The following KHNYN variants were observed in gnomAD, a reference collection of about 807,000 sequenced individuals.
The protein encoded by KHNYN is KH and NYN domain containing, also known as protein KHNYN.
KHNYN carries 42 observed loss-of-function variants against 62.7 expected under a neutral mutation model. The observed-to-expected ratio is 0.67, with a 90% CI of 0.52 to 0.87. KHNYN has a LOEUF of 0.87. KHNYN is among the 40% of genes least tolerant of loss of function. The probability of loss-of-function intolerance (pLI) is 0.00; values close to 1 mark genes in which losing one functional copy is unlikely to be tolerated. For missense variants in KHNYN, 829 were observed against 874.1 expected, an observed-to-expected ratio of 0.95 and a Z score of 0.65; for synonymous variants, 347 against 345.6, an observed-to-expected ratio of 1.00 and a Z score of -0.04.
At chr14:24,434,412 T>G (rs1366624550) in intron 5 of KHNYN, 3 of 981,926 alleles carry the variant, frequency 3.1e-6, no homozygotes, top group Admixed American at 1.2e-4. Context: ...AATTTTTTTT[T>G]GGTTTGTTTT....
At position 24,432,270 on chromosome 14, in the gene KHNYN, C is replaced by G. The variant is rs368507748; in HGVS notation, c.1009C>G (p.Gln337Glu). The change falls in exon 3 of 8, where the codon CAG becomes GAG. Residue 337 changes from glutamine (Q) to glutamate (E), a missense_variant. This residue lies in a region of KHNYN where 559 missense variants were observed against 527.0 expected (regional missense o/e 1.06). Coordinates refer to ENST00000553935, the MANE Select transcript of KHNYN (RefSeq NM_015299.3). The surrounding 1 kb of genome is among the most constrained non-coding windows in gnomAD (Gnocchi z 5.6). The stretch of plus-strand genomic sequence containing the variant: ...CCATGGCTCCTGTCACAGGGCAGCT[C>G]AGTCCCGAGGAGCCTCCCTCCTCCA... ...GAHGSCHRAA[Q>E]SRGASLLQRL... 94 of 1,613,320 alleles carry G rather than the reference C, an allele frequency of 5.8e-5. No individual in the cohort carries two copies. Among genetic ancestry groups the G allele is most frequent in the African/African-American group, 2.7e-4 (20 of 74,912 alleles).
intron 6 of KHNYN, 39 bp from the exon 7 acceptor site, chr14:24,436,349 G>A (rs760023001): frequency 5.1e-6 from 8 of 1,574,482 alleles, no homozygotes; most frequent in Middle Eastern, 1.7e-4. Flanking sequence ...GGTGGGCAAG[G>A]GCCCCCTCTG....
chr14:24,426,442 T>G (rs1181054966), upstream of KHNYN: 1 of 152,228 alleles, frequency 6.6e-6, no homozygotes, highest in Non-Finnish European at 1.5e-5. Flanking sequence ...TGATGTTGTT[T>G]TTAGGATTAG....
In KHNYN at chr14:24,432,999, T is replaced by G. The variant is rs760304162; in HGVS notation, c.1544T>G (p.Met515Arg). 1 of 1,614,200 alleles carries G rather than the reference T, an allele frequency of 6.2e-7. No homozygotes were observed. Among genetic ancestry groups the G allele is most frequent in the Non-Finnish European group, 8.5e-7 (1 of 1,180,016 alleles). Residue 515 changes from methionine to arginine, a missense_variant, in exon 5 of 8, where the codon ATG becomes AGG. By Grantham distance (91) the Met-to-Arg change is moderately conservative (BLOSUM62 -1). Coordinates refer to ENST00000553935, the MANE Select transcript of KHNYN (RefSeq NM_015299.3). This position sits in a 1 kb window ranked among gnomAD's most constrained non-coding sequence, Gnocchi z 5.6. ...SLLSLTPSRVMDGKRISSYDD... is the reference protein window; with the variant it reads ...SLLSLTPSRVRDGKRISSYDD... ...CTCTCCCTCACACCCTCACGAGTCATGGATGGCAAGAGGATCTCCTCCTAT... is the reference window on the plus strand; with the variant it reads ...CTCTCCCTCACACCCTCACGAGTCAGGGATGGCAAGAGGATCTCCTCCTAT...
Position 24,441,783 on chromosome 14 carries a change from G to C in KHNYN, c.*4498G>C, listed in dbSNP as rs766477382. The C allele has an allele frequency of 2.5e-6, 4 of 1,604,648 alleles. No individual in the cohort carries two copies. The highest frequency in any genetic ancestry group is 3.4e-6 in the Non-Finnish European group (4 of 1,176,916). ...GGCTGCCGATTACCTCTTTTTGGAAGGTTTCATTCCATCTGCAGGAGAAAC... is the reference window on the plus strand; with the variant it reads ...GGCTGCCGATTACCTCTTTTTGGAACGTTTCATTCCATCTGCAGGAGAAAC... On this transcript the variant is annotated 3_prime_UTR_variant, in exon 8 of 8. Transcript: ENST00000553935.
chr14:24,423,776 G>C, the KHNYN span, among the ~76,000 whole-genome samples: 1 of 152,208 alleles, frequency 6.6e-6, no homozygotes, highest in African/African-American at 2.4e-5. Context: ...TTCTCTGTAG[G>C]AATCAGCTGC....
At chr14:24,436,342 G>A (rs2277489) in intron 6 of KHNYN, 46 bp from the exon 7 acceptor site, 1,350,840 of 1,549,550 alleles carry the variant, frequency 0.87, 596,573 homozygotes, top group Non-Finnish European at 0.9. Context: ...TCTGGGAGGT[G>A]GGCAAGGGCC....
intron 5 of KHNYN, 96 bp from the exon 6 acceptor site, chr14:24,435,976 T>C: frequency 1.1e-6 from 1 of 902,626 alleles, no homozygotes; most frequent in Non-Finnish European, 1.9e-6. Flanking sequence ...AGTGGTGAAG[T>C]CTAGGCTTTT....
In KHNYN at chr14:24,440,973, C is replaced by T. The variant is rs1239331339; in HGVS notation, c.*3688C>T. 3.1e-6 allele frequency: 5 copies of T among 1,611,502 alleles called. No individual in the cohort carries two copies. In the African/African-American group the frequency reaches 4.0e-5, roughly 13 times the overall value. On this transcript the variant is annotated 3_prime_UTR_variant, in exon 8 of 8. Coordinates refer to ENST00000553935, the MANE Select transcript of KHNYN (RefSeq NM_015299.3). ...TTGCCCTGGGTGTCCTTGGTCCTGC[C>T]TGGCTCTCTGTAGTGGAGGCTCCCC...
intron 1 of KHNYN, chr14:24,430,363 C>G: frequency 1.1e-6 from 1 of 925,784 alleles, no homozygotes; most frequent in Non-Finnish European, 1.3e-6. Context: ...GTTCAATCCC[C>G]TGCTGAGGAT....
Position 24,437,572 on chromosome 14 carries a change from CTG to C in KHNYN, c.*288_*289del. On this transcript the variant is annotated 3_prime_UTR_variant, in exon 8 of 8. Transcript: ENST00000553935. This position sits in a 1 kb window ranked among gnomAD's most constrained non-coding sequence, Gnocchi z 5.5. ...TGCTAGAGGGGATTAGTTCCGGAGA[CTG>C]AGACTGTTGGCTCCACCTCCAAGCT... 3.4e-6 allele frequency: 1 copy of C among 291,064 alleles called. No homozygotes were observed. 18.0% of individuals were successfully genotyped at this position (291,064 alleles called of 1,614,324 possible).
intron 7 of KHNYN, 95 bp from the exon 8 acceptor site, chr14:24,436,941 A>C (rs941982625): frequency 6.8e-7 from 1 of 1,480,520 alleles, no homozygotes; most frequent in African/African-American, 1.4e-5. Flanking sequence ...CCCCAAAGCC[A>C]GGAATAGGCA....
At chr14:24,428,844 G>A (rs376939942), upstream of KHNYN, 53 of 1,612,116 alleles carry the variant, frequency 3.3e-5, no homozygotes, top group Non-Finnish European at 3.6e-5. Flanking sequence ...AATGCCACTC[G>A]CCCAGGGGGT....
intron 5 of KHNYN, chr14:24,434,043 T>C: frequency 1.3e-5 from 7 of 558,738 alleles, no homozygotes; most frequent in Non-Finnish European, 1.6e-5. Flanking sequence ...AACAAGCAAA[T>C]GGTATTCTAC....
chr14:24,424,629 C>T (rs1439774705), upstream of KHNYN, among the ~76,000 whole-genome samples: 2 of 152,224 alleles, frequency 1.3e-5, no homozygotes, highest in African/African-American at 2.4e-5. Flanking sequence ...GAACTTTCTA[C>T]ACTGAAGTCA....
At chr14:24,433,673 T>G (rs1257562065) in intron 5 of KHNYN, among the ~76,000 whole-genome samples, 1 of 152,248 alleles carries the variant, frequency 6.6e-6, no homozygotes, top group Non-Finnish European at 1.5e-5. Context: ...CTTGCCTTGC[T>G]CAAGGTGCTA....
In KHNYN at chr14:24,440,478, G is replaced by A. The variant is rs1422250464; in HGVS notation, c.*3193G>A. 22 of 1,606,122 alleles carry A rather than the reference G, an allele frequency of 1.4e-5. No individual in the cohort carries two copies. Among genetic ancestry groups the A allele is most frequent in the South Asian group, 7.8e-5 (7 of 89,894 alleles). On this transcript the variant is annotated 3_prime_UTR_variant, in exon 8 of 8. Coordinates refer to ENST00000553935, the MANE Select transcript of KHNYN (RefSeq NM_015299.3). ...ATGTGGCCCATGGCACCACCCCCAC[G>A]GCCCAGCACAACCCCTAGAGCAGGA...
In KHNYN at chr14:24,440,898, C is replaced by A; in HGVS notation, c.*3613C>A. 6.2e-7 allele frequency: 1 copy of A among 1,614,060 alleles called. No homozygotes were observed. On this transcript the variant is annotated 3_prime_UTR_variant, in exon 8 of 8. Coordinates refer to ENST00000553935, the MANE Select transcript of KHNYN (RefSeq NM_015299.3). ...CCCCTCCTGGGCTGTCTTCATCATACTCCGCAGTCAGACTGGGCTGGTAGT... is the reference window on the plus strand; with the variant it reads ...CCCCTCCTGGGCTGTCTTCATCATAATCCGCAGTCAGACTGGGCTGGTAGT...
rs2043112781 is a variant in KHNYN at position 24,431,543 on chromosome 14, A to G, written c.282A>G (p.Gly94=). 1 of 1,611,504 alleles carries G rather than the reference A, an allele frequency of 6.2e-7. No individual in the cohort carries two copies. Among genetic ancestry groups the G allele is most frequent in the Non-Finnish European group, 8.5e-7 (1 of 1,178,076 alleles). The stretch of plus-strand genomic sequence containing the variant: ...CCAAACTGCACTGCATCTTTCTGGG[A>G]GCCCAGGGCTTCTTCCTTGACTGCC... The part of the protein sequence containing the change: ...YPPKLHCIFL[G]AQGFFLDCLA... Residue 94 remains glycine, a synonymous_variant, in exon 3 of 8, where the codon GGA becomes GGG. Coordinates refer to ENST00000553935, the MANE Select transcript of KHNYN (RefSeq NM_015299.3).
Sources: gnomAD v4.1 joint callset for allele counts (sites outside exome capture counted in the v4.1 genomes callset) on GRCh38, gnomAD v4.1.1 for gene constraint, gnomAD v4.1.1 regional missense constraint, Gnocchi (gnomAD v3.1) non-coding constraint, MANE v1.5 for transcripts, NCBI Gene and HGNC (gene_info 2026-07-23, HGNC 2026-07-21) for gene names.